Variants in ADAMTS6 observed in about 807,000 individuals in gnomAD.
ADAMTS6 encodes ADAM metallopeptidase with thrombospondin type 1 motif 6.
In ADAMTS6, 23 loss-of-function variants were observed where a neutral mutation model predicts 144.3. The observed-to-expected ratio is 0.16, with a 90% CI of 0.11 to 0.23. ADAMTS6 has a LOEUF of 0.23. Ranked by LOEUF, ADAMTS6 falls within the 10% of genes least tolerant of loss-of-function variation. The pLI is 1.00. For missense variants in ADAMTS6, 999 were observed against 1,379.6 expected, an observed-to-expected ratio of 0.72 and a Z score of 4.37; for synonymous variants, 444 against 457.5, an observed-to-expected ratio of 0.97 and a Z score of 0.38.
chr5:65,172,597 G>A (rs1436740334), intron 23 of ADAMTS6, among the ~76,000 whole-genome samples: 2 of 152,150 alleles, frequency 1.3e-5, no homozygotes, highest in African/African-American at 4.8e-5. Flanking sequence ...TGGATCTGAA[G>A]AATAGAATCT....
chr5:65,299,274 T>A (rs1743143970), intron 10 of ADAMTS6, among the ~76,000 whole-genome samples: 1 of 152,132 alleles, frequency 6.6e-6, no homozygotes, highest in East Asian at 1.9e-4. Flanking sequence ...TTTAACAACT[T>A]AGGACACTGA....
chr5:65,354,236 C>A (rs1749117653), intron 7 of ADAMTS6, among the ~76,000 whole-genome samples: 1 of 151,772 alleles, frequency 6.6e-6, no homozygotes, highest in Non-Finnish European at 1.5e-5. Flanking sequence ...ACAATGAGAG[C>A]AGAGGCAATG....
rs533952536 is a variant in ADAMTS6 at position 65,172,758 on chromosome 5, T to C, written c.3087+74A>G. The C allele has an allele frequency of 3.3e-6, 5 of 1,524,776 alleles. No homozygotes were observed. In the East Asian group the frequency reaches 1.1e-4, roughly 34 times the overall value. 94.5% of individuals were successfully genotyped at this position (1,524,776 alleles called of 1,614,324 possible). On this transcript the variant is annotated intron_variant, in intron 23 of 24. Coordinates refer to ENST00000381055, the MANE Select transcript of ADAMTS6 (RefSeq NM_197941.4). ...TTACTCATCTCTCAAGCCCTTACAA[T>C]GATCACACAAGGAACCTCAGGTTTG... is the stretch of plus-strand genomic sequence containing the variant.
At chr5:65,264,793 T>C (rs986663257) in intron 12 of ADAMTS6, among the ~76,000 whole-genome samples, 2 of 152,092 alleles carry the variant, frequency 1.3e-5, no homozygotes, top group African/African-American at 2.4e-5. Flanking sequence ...TTGGAAACAA[T>C]GAATGCCTAG....
chr5:65,472,263 C>T lies in ADAMTS6; in HGVS notation c.98-1121G>A, dbSNP rs559793887. Among the ~76,000 whole-genome samples, 12 of 152,244 alleles carry T rather than the reference C, an allele frequency of 7.9e-5. No individual in the cohort carries two copies. In the East Asian group the frequency reaches 2.3e-3, roughly 29 times the overall value. On this transcript the variant is annotated intron_variant, in intron 2 of 24. Coordinates refer to ENST00000381055, the MANE Select transcript of ADAMTS6 (RefSeq NM_197941.4). ...TACAGACAGAAGGTTTAGTTGCCTA[C>T]AGCTGGAGGTGAAGGCTGGTTTGGA...
intron 8 of ADAMTS6, among the ~76,000 whole-genome samples, chr5:65,330,999 C>A (rs1364422041): frequency 6.6e-6 from 1 of 151,608 alleles, no homozygotes; most frequent in Non-Finnish European, 1.5e-5. Flanking sequence ...GAGAAAGAGA[C>A]AGACACACAC....
chr5:65,431,199 T>A (rs1756976768), intron 7 of ADAMTS6, among the ~76,000 whole-genome samples: 1 of 152,134 alleles, frequency 6.6e-6, no homozygotes, highest in Admixed American at 6.6e-5. Context: ...GCTGCAGCCA[T>A]ATAAACATTA....
intron 12 of ADAMTS6, among the ~76,000 whole-genome samples, chr5:65,269,400 A>G (rs1417875130): frequency 2.0e-5 from 3 of 152,246 alleles, no homozygotes; most frequent in Non-Finnish European, 4.4e-5. Context: ...TCCTAAAAGG[A>G]AACACTGTTT....
Position 65,188,090 on chromosome 5 carries a change from G to A in ADAMTS6, c.2836C>T (p.His946Tyr). ...CAGGGCTCTTTTTCGACAGGCCGGT[G>A]TGTTAAACAACCACTGTAGTCCAGC... ...ETLDYSGCLT[H>Y]RPVEKEPCNN... The change falls in exon 22 of 25, where the codon CAC (histidine) becomes TAC (tyrosine). Residue 946 changes from histidine to tyrosine, a missense_variant. This residue lies in a region of ADAMTS6 where 619 missense variants were observed against 837.0 expected (regional missense o/e 0.74). Transcript: ENST00000381055. 6.2e-7 allele frequency: 1 copy of A among 1,614,158 alleles called. No homozygotes were observed. Among genetic ancestry groups the A allele is most frequent in the South Asian group, 1.1e-5 (1 of 91,082 alleles).
chr5:65,372,270 T>C (rs1248239077), intron 7 of ADAMTS6, among the ~76,000 whole-genome samples: 1 of 150,664 alleles, frequency 6.6e-6, no homozygotes, highest in Admixed American at 6.6e-5. Context: ...TAACTTTAAA[T>C]GTAAATGGAC....
intron 7 of ADAMTS6, among the ~76,000 whole-genome samples, chr5:65,442,890 T>C (rs1478519496): frequency 6.6e-6 from 1 of 152,186 alleles, no homozygotes; most frequent in Non-Finnish European, 1.5e-5. Flanking sequence ...CCATGTGTTC[T>C]CATTGTTCAA....
chr5:65,376,607 G>A (rs1358259053), intron 7 of ADAMTS6, among the ~76,000 whole-genome samples: 1 of 152,180 alleles, frequency 6.6e-6, no homozygotes, highest in Non-Finnish European at 1.5e-5. Context: ...CAAGGCAGGT[G>A]GATCAATTGC....
At chr5:65,458,005 C>G (rs1759356722) in intron 4 of ADAMTS6, among the ~76,000 whole-genome samples, 1 of 151,506 alleles carries the variant, frequency 6.6e-6, no homozygotes, top group Admixed American at 6.6e-5. Flanking sequence ...GATTATAGGC[C>G]TGAGCCACCG....
rs1386157560 is a variant in ADAMTS6 at position 65,310,596 on chromosome 5, T to TA, written c.1224-10466dup. On this transcript the variant is annotated intron_variant, in intron 9 of 24. Transcript: ENST00000381055. The stretch of plus-strand genomic sequence containing the variant: ...ATTTTATCTCTGAGAATGGCTCAAA[T>TA]AAGCCTATTTAACCTATTTTGCACA... 2.0e-5 allele frequency among the ~76,000 whole-genome samples: 3 copies of TA among 152,208 alleles called. No individual in the cohort carries two copies. The East Asian group carries it at 5.8e-4, about 29-fold the overall frequency.
chr5:65,226,158 A>G lies in ADAMTS6; in HGVS notation c.1995T>C (p.Arg665=). The change falls in exon 16 of 25, where the codon CGT becomes CGC. Residue 665 remains arginine, a synonymous_variant. Transcript: ENST00000381055. ...GGGTCCCATCGATCACCGCAGGAGC[A>G]CGTTCAGTGTAGAAATTATAACCTT... ...LAEGYNFYTE[R]APAVIDGTQC... is the part of the protein sequence containing the mutation. 1.2e-6 allele frequency: 2 copies of G among 1,613,998 alleles called. No homozygotes were observed. The highest frequency in any genetic ancestry group is 1.1e-5 in the South Asian group (1 of 91,046).
intron 7 of ADAMTS6, among the ~76,000 whole-genome samples, chr5:65,361,647 G>C (rs1171022748): frequency 6.6e-6 from 1 of 152,156 alleles, no homozygotes; most frequent in African/African-American, 2.4e-5. Context: ...AGCTGGGCTA[G>C]GAAATAGTAA....
At chr5:65,162,345 A>C (rs1399064136) in intron 24 of ADAMTS6, among the ~76,000 whole-genome samples, 4 of 152,198 alleles carry the variant, frequency 2.6e-5, no homozygotes, top group African/African-American at 9.7e-5. Context: ...AATCTATTGA[A>C]TTAGGCTGAC....
At chr5:65,455,326 T>A (rs1759099134) in intron 4 of ADAMTS6, among the ~76,000 whole-genome samples, 1 of 152,186 alleles carries the variant, frequency 6.6e-6, no homozygotes, top group Non-Finnish European at 1.5e-5. Flanking sequence ...GTGGATCACC[T>A]GAGGTCAGAG....
At chr5:65,312,200 G>A (rs993920875) in intron 9 of ADAMTS6, among the ~76,000 whole-genome samples, 1 of 151,852 alleles carries the variant, frequency 6.6e-6, no homozygotes, top group Non-Finnish European at 1.5e-5. Flanking sequence ...TTAAAATGAT[G>A]AGACAATGAT....
Sources: allele counts gnomAD v4.1 joint callset (sites outside exome capture counted in the v4.1 genomes callset), GRCh38; gene constraint gnomAD v4.1.1; regional missense constraint gnomAD v4.1.1; transcripts MANE v1.5; gene names NCBI Gene and HGNC (gene_info 2026-07-23, HGNC 2026-07-21).